Variants in DOT1L observed in about 807,000 individuals in gnomAD.
The protein encoded by DOT1L is histone-lysine N-methyltransferase, H3 lysine-79 specific.
A neutral mutation model predicts 153.3 loss-of-function variants in DOT1L; 33 were observed. The observed-to-expected ratio is 0.22, with a 90% CI of 0.16 to 0.29. The LOEUF is 0.29. DOT1L is among the 10% of genes least tolerant of loss of function. The pLI is 1.00. For missense variants in DOT1L, 1,847 were observed against 2,119.9 expected, an observed-to-expected ratio of 0.87 and a Z score of 2.53; for synonymous variants, 1,135 against 965.1, an observed-to-expected ratio of 1.18 and a Z score of -3.26.
intron 8 of DOT1L, 140 bp downstream of exon 8, chr19:2,200,079 C>T (rs908222828): frequency 3.4e-5 from 38 of 1,131,324 alleles, no homozygotes; most frequent in Admixed American, 2.1e-4. Context: ...ACAGGAAGGG[C>T]GCCTTTCCCT....
rs753075458 is a variant in DOT1L at position 2,226,426 on chromosome 19, G to T, written c.3905G>T (p.Gly1302Val). The T allele has an allele frequency of 3.1e-6, 5 of 1,600,854 alleles. No individual in the cohort carries two copies. The Admixed American group carries it at 5.0e-5, about 16-fold the overall frequency. Residue 1302 changes from glycine to valine, a missense_variant, in exon 27 of 28, where the codon GGG (glycine) becomes GTG (valine). Transcript: ENST00000398665. ...AAAGGCTTTCCCGGCTCCCTGTCGG[G>T]GGCTGACGGACTCAGCCCGGGCACC... ...PRKGFPGSLSGADGLSPGTNP... is the reference protein window; with the variant it reads ...PRKGFPGSLSVADGLSPGTNP...
chr19:2,206,606 G>A (rs1170279420), intron 9 of DOT1L, 123 bp from the exon 10 acceptor site: 2 of 888,854 alleles, frequency 2.3e-6, no homozygotes, highest in Admixed American at 1.8e-5. Context: ...TAGGCAGGTG[G>A]ACAGGACCCG....
chr19:2,230,498 G>T lies in DOT1L; in HGVS notation c.*706G>T. The stretch of plus-strand genomic sequence containing the variant: ...GCCATGTGCTGCGCGATGGTGCTGT[G>T]AGGACGGCGCGGGCACGTTGAACAA... On this transcript the variant is annotated 3_prime_UTR_variant, in exon 28 of 28. Coordinates refer to ENST00000398665, the MANE Select transcript of DOT1L (RefSeq NM_032482.3). The T allele has an allele frequency of 5.0e-6, 2 of 398,972 alleles. No individual in the cohort carries two copies. The allele number at this position is 398,972 out of a possible 1,614,324, so 24.7% of individuals were successfully genotyped here. A position where few individuals can be genotyped will look rare whatever the true frequency, so the allele number is the denominator to read the frequency against.
intron 1 of DOT1L, among the ~76,000 whole-genome samples, chr19:2,169,485 C>T (rs1028610624): frequency 2.6e-5 from 4 of 152,132 alleles, no homozygotes. Context: ...AGGGACACTC[C>T]AGCCTAGCCT....
intron 1 of DOT1L, among the ~76,000 whole-genome samples, chr19:2,168,124 A>G (rs950993100): frequency 3.3e-5 from 5 of 152,062 alleles, no homozygotes; most frequent in Non-Finnish European, 7.4e-5. Context: ...CAACAAGCCA[A>G]TATTCTCCCC....
rs1000091927 is a variant in DOT1L at position 2,222,666 on chromosome 19, C to T, written c.3390+107C>T. 341 of 1,115,592 alleles carry T rather than the reference C, an allele frequency of 3.1e-4. No homozygotes were observed. Among genetic ancestry groups the T allele is most frequent in the Non-Finnish European group, 1.9e-4 (153 of 808,422 alleles). 69.1% of individuals were successfully genotyped at this position (1,115,592 alleles called of 1,614,324 possible). A position where few individuals can be genotyped will look rare whatever the true frequency, so the allele number is the denominator to read the frequency against. ...CTGTAATCCCAGCATTTTGGGAGGC[C>T]GAGGCGGGTGGATCACAAGATCAGG... On this transcript the variant is annotated intron_variant, in intron 24 of 27. Transcript: ENST00000398665. The surrounding 1 kb of genome is among the most constrained non-coding windows in gnomAD (Gnocchi z 6.5).
At chr19:2,228,370 C>T (rs768296644) in intron 27 of DOT1L, 4 of 1,303,910 alleles carry the variant, frequency 3.1e-6, no homozygotes, top group Admixed American at 4.4e-5. Flanking sequence ...GCTAGCAGTG[C>T]GTATTGTGTA....
rs2024629554 is a variant in DOT1L at position 2,232,189 on chromosome 19, G to A, written c.*2397G>A. On this transcript the variant is annotated 3_prime_UTR_variant, in exon 28 of 28. Transcript: ENST00000398665. Reference sequence around the variant, plus strand: ...GGGTGGGCGGGCGGCGCCTGGGAGTGGCTCTTGCTCAGGAATTGATAGGAA... The same window carrying A: ...GGGTGGGCGGGCGGCGCCTGGGAGTAGCTCTTGCTCAGGAATTGATAGGAA... 1 of 223,888 alleles carries A rather than the reference G, an allele frequency of 4.5e-6. No homozygotes were observed. The allele number at this position is 223,888 out of a possible 1,614,324, so 13.9% of individuals were successfully genotyped here.
rs935695285 is a variant in DOT1L at position 2,190,986 on chromosome 19, A to G, written c.265-26A>G. On this transcript the variant is annotated intron_variant, in intron 4 of 27. Coordinates refer to ENST00000398665, the MANE Select transcript of DOT1L (RefSeq NM_032482.3). This position sits in a 1 kb window ranked among gnomAD's most constrained non-coding sequence, Gnocchi z 4.8. ...GGCTGGGCCGTGAGGTTTATGTGACATGGCCGGGCCACCCTCCGTCCGCAG... is the reference window on the plus strand; with the variant it reads ...GGCTGGGCCGTGAGGTTTATGTGACGTGGCCGGGCCACCCTCCGTCCGCAG... 18 of 1,568,734 alleles carry G rather than the reference A, an allele frequency of 1.1e-5. No individual in the cohort carries two copies. Among genetic ancestry groups the G allele is most frequent in the Admixed American group, 3.7e-5 (2 of 54,622 alleles).
chr19:2,220,571 G>T lies in DOT1L; in HGVS notation c.2806+349G>T. ...CAGGATCGGCTCCACACACAGCAGT[G>T]CCCAATGGCACACGACCGTGGGCCT... On this transcript the variant is annotated intron_variant, in intron 23 of 27. Transcript: ENST00000398665. This position sits in a 1 kb window ranked among gnomAD's most constrained non-coding sequence, Gnocchi z 4.5. 2.1e-6 allele frequency: 1 copy of T among 476,640 alleles called. No individual in the cohort carries two copies. The highest frequency in any genetic ancestry group is 1.5e-5 in the South Asian group (1 of 64,724). 29.5% of individuals were successfully genotyped at this position (476,640 alleles called of 1,614,324 possible).
intron 27 of DOT1L, chr19:2,227,774 T>C: frequency 7.6e-7 from 1 of 1,320,064 alleles, no homozygotes. Flanking sequence ...CCTCTGCTCA[T>C]CCGTTTGGAG....
At chr19:2,214,925 A>G (rs1481555966) in intron 19 of DOT1L, among the ~76,000 whole-genome samples, 1 of 152,174 alleles carries the variant, frequency 6.6e-6, no homozygotes, top group Non-Finnish European at 1.5e-5. Flanking sequence ...GCTCATTAGA[A>G]AAACAGCTGG....
chr19:2,191,925 GC>G lies in DOT1L; in HGVS notation c.493+686del, dbSNP rs2022812657. Among the ~76,000 whole-genome samples the G allele has an allele frequency of 6.6e-6, 1 of 152,204 alleles. No homozygotes were observed. Among genetic ancestry groups the G allele is most frequent in the African/African-American group, 2.4e-5 (1 of 41,444 alleles). On this transcript the variant is annotated intron_variant, in intron 5 of 27. Transcript: ENST00000398665. This position sits in a 1 kb window ranked among gnomAD's most constrained non-coding sequence, Gnocchi z 6.8. ...GTGTCTTCAGCAGCAGCGTGGCCTGGCTGAAGCACAGATGAGCGGCCCGTAC... is the reference window on the plus strand; with the variant it reads ...GTGTCTTCAGCAGCAGCGTGGCCTGGTGAAGCACAGATGAGCGGCCCGTAC...
In DOT1L at chr19:2,194,734, G is replaced by T. The variant is rs887192806; in HGVS notation, c.651+157G>T. 5.3e-5 allele frequency among the ~76,000 whole-genome samples: 8 copies of T among 151,972 alleles called. No individual in the cohort carries two copies. The South Asian group carries it at 1.7e-3, about 31-fold the overall frequency. On this transcript the variant is annotated intron_variant, in intron 7 of 27. Transcript: ENST00000398665. ...CTGGTTCTCGTAGGGCTGCCTGGGC[G>T]TGGCGTCTGAGCCGGCAGCAGGCGC...
chr19:2,192,928 C>T (rs1042336618), intron 5 of DOT1L, among the ~76,000 whole-genome samples: 4 of 152,192 alleles, frequency 2.6e-5, no homozygotes, highest in South Asian at 4.1e-4. Context: ...CCTGGCCCCC[C>T]GTCCCTGTGT....
At position 2,211,718 on chromosome 19, in the gene DOT1L, C is replaced by G. The variant is rs748556017; in HGVS notation, c.1466-33C>G. The G allele has an allele frequency of 9.5e-5, 146 of 1,533,708 alleles. 1 individual carries two copies. Among genetic ancestry groups the G allele is most frequent in the Middle Eastern group, 1.7e-4 (1 of 5,966 alleles). Reference sequence around the variant, plus strand: ...CTCTTCCCTCTCAGTCTCAGCTGCTCTCTTCTCACCTGTGTTCCGCCTCTC... The same window carrying G: ...CTCTTCCCTCTCAGTCTCAGCTGCTGTCTTCTCACCTGTGTTCCGCCTCTC... On this transcript the variant is annotated intron_variant, in intron 15 of 27. Coordinates refer to ENST00000398665, the MANE Select transcript of DOT1L (RefSeq NM_032482.3).
In DOT1L at chr19:2,220,567, C is replaced by A; in HGVS notation, c.2806+345C>A. 1 of 483,574 alleles carries A rather than the reference C, an allele frequency of 2.1e-6. No individual in the cohort carries two copies. 30.0% of individuals were successfully genotyped at this position (483,574 alleles called of 1,614,324 possible). ...GACTCAGGATCGGCTCCACACACAG[C>A]AGTGCCCAATGGCACACGACCGTGG... On this transcript the variant is annotated intron_variant, in intron 23 of 27. Transcript: ENST00000398665. This position sits in a 1 kb window ranked among gnomAD's most constrained non-coding sequence, Gnocchi z 4.5.
At position 2,202,616 on chromosome 19, in the gene DOT1L, G is replaced by A. The variant is rs577887511; in HGVS notation, c.708-84G>A. The stretch of plus-strand genomic sequence containing the variant: ...GCGGGTGTGGGCAGGGCCTAGCACC[G>A]ACAGCAGCGGTTGTTGGCTGCGCCG... On this transcript the variant is annotated intron_variant, in intron 8 of 27. Transcript: ENST00000398665. The A allele has an allele frequency of 1.4e-4, 193 of 1,390,324 alleles. 1 individual carries two copies. In the South Asian group the frequency reaches 2.1e-3, roughly 15 times the overall value. The allele number at this position is 1,390,324 out of a possible 1,614,324, so 86.1% of individuals were successfully genotyped here. A position where few individuals can be genotyped will look rare whatever the true frequency, so the allele number is the denominator to read the frequency against.
chr19:2,227,457 G>C (rs549611755), intron 27 of DOT1L: 2 of 581,968 alleles, frequency 3.4e-6, no homozygotes, highest in Admixed American at 2.2e-5. Context: ...GGCTCTGGGA[G>C]CTGGTGTTGG....
Sources: gnomAD v4.1 joint callset for allele counts (sites outside exome capture counted in the v4.1 genomes callset) on GRCh38, gnomAD v4.1.1 for gene constraint, Gnocchi (gnomAD v3.1) non-coding constraint, MANE v1.5 for transcripts, NCBI Gene and HGNC (gene_info 2026-07-23, HGNC 2026-07-21) for gene names.